GRM8: variants seen among roughly 807,000 people sequenced by gnomAD.
GRM8 encodes the protein glutamate metabotropic receptor 8, also known as metabotropic glutamate receptor 8.
Under a neutral mutation model 87.2 loss-of-function variants are expected in GRM8, and 47 were observed. The ratio of observed to expected loss-of-function variants is 0.54; its 90% confidence interval spans 0.43 to 0.69. The LOEUF (loss-of-function observed/expected upper bound fraction) is 0.69. Among genes scored for constraint, GRM8 ranks in the 30% least tolerant of loss-of-function variants. GRM8 has a pLI of 0.00. For synonymous variants in GRM8, 396 were observed against 404.5 expected, an observed-to-expected ratio of 0.98 and a Z score of 0.25; for missense variants, 1,019 against 1,139.2, an observed-to-expected ratio of 0.89 and a Z score of 1.52.
At chr7:126,985,948 A>T (rs1812013431) in intron 3 of GRM8, among the ~76,000 whole-genome samples, 1 of 152,200 alleles carries the variant, frequency 6.6e-6, no homozygotes, top group Non-Finnish European at 1.5e-5. Flanking sequence ...AAATATTCTA[A>T]TCACCTTTTC....
chr7:126,545,626 A>T (rs1365088778), intron 8 of GRM8, among the ~76,000 whole-genome samples: 1 of 152,206 alleles, frequency 6.6e-6, no homozygotes, highest in Non-Finnish European at 1.5e-5. Flanking sequence ...TTAAACTTAA[A>T]AGTCAGCTAA....
chr7:127,246,448 C>A (rs573630154), intron 1 of GRM8, among the ~76,000 whole-genome samples: 1 of 152,280 alleles, frequency 6.6e-6, no homozygotes, highest in East Asian at 1.9e-4. Flanking sequence ...TTCAAGGAGG[C>A]GTGAGGTCTG....
rs796759108 is a variant in GRM8 at position 126,936,745 on chromosome 7, G to C, written c.728-32062C>G. On this transcript the variant is annotated intron_variant, in intron 3 of 10. Coordinates refer to ENST00000339582, the MANE Select transcript of GRM8 (RefSeq NM_000845.3). ...GAGCCAGTTTCAGTGCTGCAGCTGA[G>C]AGCAACCCCCGGGGACTCAGCAGAG... 5.9e-5 allele frequency among the ~76,000 whole-genome samples: 9 copies of C among 152,224 alleles called. 1 individual carries two copies. Among genetic ancestry groups the C allele is most frequent in the African/African-American group, 2.2e-4 (9 of 41,530 alleles).
intron 8 of GRM8, among the ~76,000 whole-genome samples, chr7:126,574,200 T>C (rs963650590): frequency 1.3e-5 from 2 of 152,224 alleles, no homozygotes; most frequent in African/African-American, 4.8e-5. Flanking sequence ...TGAGGCTTGT[T>C]CAATGTTCCA....
intron 7 of GRM8, among the ~76,000 whole-genome samples, chr7:126,684,934 A>G (rs951981747): frequency 2.0e-5 from 3 of 152,168 alleles, no homozygotes; most frequent in African/African-American, 7.2e-5. Flanking sequence ...TACTGATGGC[A>G]GCGGTGGGCC....
chr7:126,459,009 GAAAA>G (rs879422583), intron 9 of GRM8, among the ~76,000 whole-genome samples: 2 of 133,382 alleles, frequency 1.5e-5, no homozygotes, highest in Non-Finnish European at 3.3e-5. Context: ...AACTTTAATA[GAAAA>G]AAAAAAAGTA....
intron 7 of GRM8, among the ~76,000 whole-genome samples, chr7:126,697,167 A>T (rs1585565304): frequency 0.011 from 1 of 88 alleles, no homozygotes; most frequent in African/African-American, 0.056. Context: ...TGTGGAATTA[A>T]AAAAAAAAAA....
chr7:126,634,564 G>A (rs1188779046), intron 7 of GRM8, among the ~76,000 whole-genome samples: 1 of 152,016 alleles, frequency 6.6e-6, no homozygotes, highest in East Asian at 1.9e-4. Context: ...TCTACTGGCT[G>A]CAAGCTCAAA....
At chr7:127,230,619 A>C (rs566674994) in intron 2 of GRM8, among the ~76,000 whole-genome samples, 1 of 152,294 alleles carries the variant, frequency 6.6e-6, no homozygotes, top group Non-Finnish European at 1.5e-5. Context: ...TGGCATCTTT[A>C]AGAGGTAATT....
At chr7:127,017,625 C>T (rs1047041969) in intron 3 of GRM8, among the ~76,000 whole-genome samples, 2 of 152,014 alleles carry the variant, frequency 1.3e-5, no homozygotes, top group Non-Finnish European at 2.9e-5. Context: ...GGAGCTGATG[C>T]ATGTCATTTG....
chr7:127,025,270 T>G (rs2299526), intron 3 of GRM8, among the ~76,000 whole-genome samples: 1 of 152,022 alleles, frequency 6.6e-6, no homozygotes. Context: ...TCCCCTCTTT[T>G]TACACACTTC....
At chr7:126,935,805 C>T (rs1288796626) in intron 3 of GRM8, among the ~76,000 whole-genome samples, 1 of 152,198 alleles carries the variant, frequency 6.6e-6, no homozygotes, top group African/African-American at 2.4e-5. Flanking sequence ...TTTTCCAACC[C>T]TACTCACTTT....
chr7:126,987,714 C>T (rs1812249077), intron 3 of GRM8, among the ~76,000 whole-genome samples: 1 of 152,132 alleles, frequency 6.6e-6, no homozygotes, highest in Non-Finnish European at 1.5e-5. Flanking sequence ...TCGCCCGCCT[C>T]GGCCTCCCAA....
At chr7:126,440,192 T>A (rs1194817149) in intron 10 of GRM8, among the ~76,000 whole-genome samples, 2 of 151,722 alleles carry the variant, frequency 1.3e-5, no homozygotes, top group Non-Finnish European at 2.9e-5. Flanking sequence ...GGCAGGTGGA[T>A]CACGAGGTCA....
intron 7 of GRM8, among the ~76,000 whole-genome samples, chr7:126,667,714 T>C (rs1322348101): frequency 1.3e-5 from 2 of 152,200 alleles, no homozygotes; most frequent in Non-Finnish European, 2.9e-5. Flanking sequence ...GGCAAAGCTG[T>C]TGGGCACAGC....
At chr7:126,723,535 A>G (rs1209651865) in intron 7 of GRM8, among the ~76,000 whole-genome samples, 1 of 146,682 alleles carries the variant, frequency 6.8e-6, no homozygotes, top group Non-Finnish European at 1.5e-5. Flanking sequence ...ATTTGTAATT[A>G]TTAATGCTCA....
At position 127,151,974 on chromosome 7, in the gene GRM8, G is replaced by C. The variant is rs1051628529; in HGVS notation, c.511-45262C>G. ...TTAGATGTTCCTAGTCCCCTTTAAA[G>C]TTACTTACGATTTCTCACTTGCCAA... On this transcript the variant is annotated intron_variant, in intron 2 of 10. Coordinates refer to ENST00000339582, the MANE Select transcript of GRM8 (RefSeq NM_000845.3). Among the ~76,000 whole-genome samples, 5 of 150,944 alleles carry C rather than the reference G, an allele frequency of 3.3e-5. No homozygotes were observed. The South Asian group carries it at 8.4e-4, about 25-fold the overall frequency.
chr7:126,838,041 G>C (rs1795956621), intron 6 of GRM8, among the ~76,000 whole-genome samples: 1 of 152,132 alleles, frequency 6.6e-6, no homozygotes. Context: ...GATAACCATT[G>C]CCTCAAGTCT....
chr7:127,240,658 T>G (rs1798240753), intron 2 of GRM8, among the ~76,000 whole-genome samples: 1 of 152,158 alleles, frequency 6.6e-6, no homozygotes, highest in South Asian at 2.1e-4. Flanking sequence ...AAAAGTGATG[T>G]TTTTGAACCA....
Sources: allele counts gnomAD v4.1 joint callset (sites outside exome capture counted in the v4.1 genomes callset), GRCh38; gene constraint gnomAD v4.1.1; transcripts MANE v1.5; gene names NCBI Gene and HGNC (gene_info 2026-07-23, HGNC 2026-07-21).